The following GPC6 variants were observed in gnomAD, a reference collection of about 807,000 sequenced individuals.
GPC6 encodes glypican 6.
A neutral mutation model predicts 55.2 loss-of-function variants in GPC6; 14 were observed. The ratio of observed to expected loss-of-function variants is 0.25; its 90% CI spans 0.17 to 0.40. The LOEUF (loss-of-function observed/expected upper bound fraction) is 0.40, where lower values mean the gene tolerates loss of function less well. Ranked by LOEUF, GPC6 falls within the 10% of genes least tolerant of loss-of-function variation. The pLI, the probability that GPC6 is intolerant of heterozygous loss-of-function variation, is 1.00. For missense variants in GPC6, 641 were observed against 708.5 expected (o/e 0.90, Z 1.08); for synonymous variants, 278 against 259.6 (o/e 1.07, Z -0.68).
At chr13:93,228,534 C>T (rs1192360529) in intron 1 of GPC6, among the ~76,000 whole-genome samples, 1 of 152,174 alleles carries the variant, frequency 6.6e-6, no homozygotes, top group Non-Finnish European at 1.5e-5. Flanking sequence ...TGGTCTCCGA[C>T]AACTTGCGCG....
chr13:93,342,239 G>A (rs540394612), intron 1 of GPC6, among the ~76,000 whole-genome samples: 2 of 152,180 alleles, frequency 1.3e-5, no homozygotes, highest in Admixed American at 6.5e-5. Flanking sequence ...ATAGAAGACT[G>A]GGAGAACATA....
chr13:94,155,810 G>A (rs1467492910), intron 4 of GPC6, among the ~76,000 whole-genome samples: 1 of 152,142 alleles, frequency 6.6e-6, no homozygotes, highest in Non-Finnish European at 1.5e-5. Flanking sequence ...TCCCTTTAGA[G>A]ACTTGTCTTC....
chr13:93,489,922 A>T (rs1298119123), intron 1 of GPC6, among the ~76,000 whole-genome samples: 1 of 151,564 alleles, frequency 6.6e-6, no homozygotes, highest in Admixed American at 6.5e-5. Flanking sequence ...AACAGGGACA[A>T]TTTGACTTCC....
chr13:93,530,805 C>T (rs559828798), intron 1 of GPC6, among the ~76,000 whole-genome samples: 1 of 152,110 alleles, frequency 6.6e-6, no homozygotes, highest in East Asian at 1.9e-4. Flanking sequence ...GGAAATACTA[C>T]ATAGAAGACA....
intron 3 of GPC6, among the ~76,000 whole-genome samples, chr13:93,974,546 A>G (rs76630573): frequency 0.01 from 1,593 of 152,296 alleles, 35 homozygotes; most frequent in African/African-American, 0.037. Flanking sequence ...TAAAATACCT[A>G]GGTGGCACTG....
intron 1 of GPC6, among the ~76,000 whole-genome samples, chr13:93,427,721 T>C (rs1303411839): frequency 6.6e-6 from 1 of 152,102 alleles, no homozygotes; most frequent in Non-Finnish European, 1.5e-5. Context: ...GTTACATTCA[T>C]CTTTAAACTT....
intron 2 of GPC6, among the ~76,000 whole-genome samples, chr13:93,727,042 T>C (rs1883669705): frequency 6.6e-6 from 1 of 152,130 alleles, no homozygotes; most frequent in Admixed American, 6.6e-5. Flanking sequence ...AATTGAATAT[T>C]GGGGACAGTC....
chr13:93,781,006 G>A (rs987739357), intron 2 of GPC6, among the ~76,000 whole-genome samples: 10 of 152,044 alleles, frequency 6.6e-5, no homozygotes, highest in Admixed American at 5.2e-4. Flanking sequence ...GGCCGGGTGC[G>A]GTGGCTCATG....
chr13:93,322,641 T>C (rs1468253067), intron 1 of GPC6, among the ~76,000 whole-genome samples: 3 of 151,854 alleles, frequency 2.0e-5, no homozygotes, highest in African/African-American at 7.2e-5. Context: ...GGTTTCACCA[T>C]GTTGGCCAGG....
At chr13:93,544,652 C>T (rs554292004) in intron 1 of GPC6, among the ~76,000 whole-genome samples, 46 of 152,326 alleles carry the variant, frequency 3.0e-4, no homozygotes, top group South Asian at 6.2e-4. Flanking sequence ...TCATTCCTTT[C>T]ATTCTACATT....
chr13:93,970,646 C>T (rs1880244116), intron 3 of GPC6, among the ~76,000 whole-genome samples: 1 of 152,174 alleles, frequency 6.6e-6, no homozygotes, highest in South Asian at 2.1e-4. Context: ...CCTCCGGTCA[C>T]TCATGTTTAT....
At chr13:93,789,378 G>T (rs1594458270) in intron 2 of GPC6, among the ~76,000 whole-genome samples, 1 of 150,452 alleles carries the variant, frequency 6.6e-6, no homozygotes, top group South Asian at 2.1e-4. Flanking sequence ...TAATGATGTG[G>T]CTCCTACTCT....
At position 93,227,315 on chromosome 13, in the gene GPC6, C is replaced by T. The variant is rs1875823311; in HGVS notation, c.-142C>T. Reference sequence around the variant, plus strand: ...GCGCAGTCCAGAGGGCTGCGCTGCTCGTCCCCTCGGCTGGCAGAAGGGGGT... The same window carrying T: ...GCGCAGTCCAGAGGGCTGCGCTGCTTGTCCCCTCGGCTGGCAGAAGGGGGT... On this transcript the variant is annotated 5_prime_UTR_variant, in exon 1 of 9. Coordinates refer to ENST00000377047, the MANE Select transcript of GPC6 (RefSeq NM_005708.5). This position sits in a 1 kb window ranked among gnomAD's most constrained non-coding sequence, Gnocchi z 4.3. 1.3e-6 allele frequency: 1 copy of T among 762,814 alleles called. No individual in the cohort carries two copies. The highest frequency in any genetic ancestry group is 2.2e-6 in the Non-Finnish European group (1 of 458,810). 47.3% of individuals were successfully genotyped at this position (762,814 alleles called of 1,614,324 possible). A position where few individuals can be genotyped will look rare whatever the true frequency, so the allele number is the denominator to read the frequency against.
chr13:93,243,150 C>G (rs966055264), intron 1 of GPC6, among the ~76,000 whole-genome samples: 1 of 152,218 alleles, frequency 6.6e-6, no homozygotes, highest in African/African-American at 2.4e-5. Flanking sequence ...TACCAGCAGT[C>G]TGCTGCAAGG....
chr13:93,699,326 G>A (rs1882589102), intron 2 of GPC6, among the ~76,000 whole-genome samples: 1 of 152,100 alleles, frequency 6.6e-6, no homozygotes, highest in Non-Finnish European at 1.5e-5. Flanking sequence ...TAGCTTGTGA[G>A]GAAAGATCAA....
intron 1 of GPC6, among the ~76,000 whole-genome samples, chr13:93,438,958 C>T (rs1253697496): frequency 6.6e-6 from 1 of 152,148 alleles, no homozygotes; most frequent in Non-Finnish European, 1.5e-5. Flanking sequence ...GATCCATCAG[C>T]AGTCATCAAT....
intron 4 of GPC6, among the ~76,000 whole-genome samples, chr13:94,135,654 C>T (rs180965853): frequency 1.3e-5 from 2 of 152,314 alleles, no homozygotes; most frequent in Admixed American, 6.5e-5. Flanking sequence ...ACCAATAACT[C>T]CAGTCCAAAT....
At chr13:94,037,944 G>T (rs1170026357) in intron 4 of GPC6, among the ~76,000 whole-genome samples, 1 of 151,930 alleles carries the variant, frequency 6.6e-6, no homozygotes, top group Non-Finnish European at 1.5e-5. Context: ...TAGTAAGACT[G>T]AGCAACTCAA....
rs1230857277 is a variant in GPC6, at chr13:93,393,127, T to TATAGAGAGAG, written c.161-152135_161-152134insTAGAGAGAGA. ...TATTTGATATATATATATATATATA[T>TATAGAGAGAG]AGAGAGAGAGAGAGAGAGAGAGAGA... On this transcript the variant is annotated intron_variant, in intron 1 of 8. Transcript: ENST00000377047. 3.1e-4 allele frequency among the ~76,000 whole-genome samples: 27 copies of TATAGAGAGAG among 87,624 alleles called. 1 individual carries two copies. The highest frequency in any genetic ancestry group is 2.3e-3 in the East Asian group (7 of 3,028). 57.5% of individuals were successfully genotyped at this position (87,624 alleles called of 152,430 possible).
Sources: gnomAD v4.1 joint callset for allele counts (sites outside exome capture counted in the v4.1 genomes callset) on GRCh38, gnomAD v4.1.1 for gene constraint, Gnocchi (gnomAD v3.1) non-coding constraint, MANE v1.5 for transcripts, NCBI Gene and HGNC (gene_info 2026-07-23, HGNC 2026-07-21) for gene names.